The following STRIP2 variants were observed in gnomAD, a reference collection of about 807,000 sequenced individuals.
STRIP2 encodes the protein striatin interacting protein 2.
In STRIP2, 84 loss-of-function variants were observed where a neutral mutation model predicts 107.1. The ratio of observed to expected loss-of-function variants is 0.78; its 90% CI spans 0.66 to 0.94. STRIP2 has a LOEUF of 0.94. Among genes scored for constraint, STRIP2 ranks in the 40% least tolerant of loss-of-function variants. STRIP2 has a pLI of 0.00. For synonymous variants in STRIP2, 394 were observed against 400.4 expected (o/e 0.98, Z 0.19); for missense variants, 888 against 1,034.2 (o/e 0.86, Z 1.94).
In STRIP2 at chr7:129,486,076, A is replaced by T. The variant is rs1463979405; in HGVS notation, c.*247A>T. The T allele has an allele frequency of 2.5e-5, 11 of 445,782 alleles. No homozygotes were observed. Among genetic ancestry groups the T allele is most frequent in the Non-Finnish European group, 2.0e-5 (5 of 246,024 alleles). The allele number at this position is 445,782 out of a possible 1,614,324, so 27.6% of individuals were successfully genotyped here. A position where few individuals can be genotyped will look rare whatever the true frequency, so the allele number is the denominator to read the frequency against. On this transcript the variant is annotated 3_prime_UTR_variant, in exon 21 of 21. Coordinates refer to ENST00000249344, the MANE Select transcript of STRIP2 (RefSeq NM_020704.3). ...AATTCTAGACAAGCTCTTTGGTAGG[A>T]CCTTTTCCTGCTTTAGTCTTGGCTA...
At chr7:129,475,919 T>C (rs1026580020) in intron 18 of STRIP2, among the ~76,000 whole-genome samples, 1 of 152,202 alleles carries the variant, frequency 6.6e-6, no homozygotes, top group African/African-American at 2.4e-5. Context: ...GGCAGAAGAA[T>C]TTCTCCTAGT....
At chr7:129,459,966 G>A (rs1054961266) in intron 12 of STRIP2, among the ~76,000 whole-genome samples, 1 of 152,094 alleles carries the variant, frequency 6.6e-6, no homozygotes, top group Admixed American at 6.5e-5. Flanking sequence ...ATGCATACGT[G>A]CACACGCATC....
At position 129,487,779 on chromosome 7, in the gene STRIP2, A is replaced by G. The variant is rs1661059706; in HGVS notation, c.*1950A>G. On this transcript the variant is annotated 3_prime_UTR_variant, in exon 21 of 21. Coordinates refer to ENST00000249344, the MANE Select transcript of STRIP2 (RefSeq NM_020704.3). ...ATTTTCAAGGAAAGAGTAATCATCC[A>G]TCAATTTATTATAAAGCCAGATAGT... is the stretch of plus-strand genomic sequence containing the variant. The G allele has an allele frequency of 6.6e-6, 1 of 152,232 alleles. No individual in the cohort carries two copies. The highest frequency in any genetic ancestry group is 2.1e-4 in the South Asian group (1 of 4,836). The allele number at this position is 152,232 out of a possible 1,614,324, so 9.4% of individuals were successfully genotyped here. A position where few individuals can be genotyped will look rare whatever the true frequency, so the allele number is the denominator to read the frequency against.
rs201763574 is a variant in STRIP2, at chr7:129,485,636, T to A, written c.2312T>A (p.Ile771Asn). ...QAEECTLRAN[I>N]EAFNSRRYDR... ...GAAGAATGTACCTTGAGGGCCAACA[T>A]TGAGGCTTTTAACAGCCGTCGCTAT... The change falls in exon 21 of 21, where the codon ATT becomes AAT. Residue 771 changes from isoleucine to asparagine, a missense_variant. By Grantham distance (149) the Ile-to-Asn change is moderately radical (BLOSUM62 -3). Transcript: ENST00000249344. 1 of 1,613,976 alleles carries A rather than the reference T, an allele frequency of 6.2e-7. No homozygotes were observed. The highest frequency in any genetic ancestry group is 1.3e-5 in the African/African-American group (1 of 74,992).
At position 129,477,962 on chromosome 7, in the gene STRIP2, A is replaced by G. The variant is rs577309078; in HGVS notation, c.1945-2823A>G. On this transcript the variant is annotated intron_variant, in intron 18 of 20. Transcript: ENST00000249344. ...AAATGGTGGCAGACATGTCCAAGGA[A>G]TATTGTGGGGATTTGATCCCTTAAT... 1.2e-3 allele frequency: 623 copies of G among 517,270 alleles called. 6 individuals carry two copies. The highest frequency in any genetic ancestry group is 4.1e-3 in the South Asian group (283 of 69,374). The allele number at this position is 517,270 out of a possible 1,614,324, so 32.0% of individuals were successfully genotyped here. A position where few individuals can be genotyped will look rare whatever the true frequency, so the allele number is the denominator to read the frequency against.
At position 129,434,537 on chromosome 7, in the gene STRIP2, G is replaced by A. The variant is rs1171703389; in HGVS notation, c.65G>A (p.Gly22Asp). 6.6e-7 allele frequency: 1 copy of A among 1,518,004 alleles called. No homozygotes were observed. The allele number at this position is 1,518,004 out of a possible 1,614,324, so 94.0% of individuals were successfully genotyped here. A position where few individuals can be genotyped will look rare whatever the true frequency, so the allele number is the denominator to read the frequency against. Residue 22 changes from glycine (G) to aspartate (D), a missense_variant, in exon 1 of 21, where the codon GGC becomes GAC. Physicochemically the swap from Gly to Asp is moderately conservative, Grantham distance 94 (BLOSUM62 -1). Transcript: ENST00000249344. ...GCAAATGGCAATGGCAACGGCGGCGGCAAAGGGAAGCAGGCGGCGCCCAAG... is the reference window on the plus strand; with the variant it reads ...GCAAATGGCAATGGCAACGGCGGCGACAAAGGGAAGCAGGCGGCGCCCAAG... Reference protein sequence around the residue: ...PPANGNGNGGGKGKQAAPKGR... With the variant: ...PPANGNGNGGDKGKQAAPKGR...
intron 17 of STRIP2, among the ~76,000 whole-genome samples, chr7:129,467,652 G>C (rs534226188): frequency 6.6e-6 from 1 of 152,214 alleles, no homozygotes; most frequent in Non-Finnish European, 1.5e-5. Context: ...TATTTTAATA[G>C]TTTTAAACAC....
chr7:129,460,678 G>A, intron 13 of STRIP2: 1 of 347,596 alleles, frequency 2.9e-6, no homozygotes, highest in South Asian at 2.8e-5. Flanking sequence ...CTGAGAAGGT[G>A]ACATTTAAGC....
At chr7:129,459,014 A>G (rs1362693847) in intron 11 of STRIP2, among the ~76,000 whole-genome samples, 1 of 152,216 alleles carries the variant, frequency 6.6e-6, no homozygotes, top group African/African-American at 2.4e-5. Flanking sequence ...GACTTTGAGC[A>G]ACAAGTCATT....
intron 20 of STRIP2, among the ~76,000 whole-genome samples, chr7:129,485,213 A>G (rs1799213825): frequency 6.6e-6 from 1 of 152,164 alleles, no homozygotes; most frequent in Non-Finnish European, 1.5e-5. Flanking sequence ...AACATAATAC[A>G]TATAACTAGT....
chr7:129,475,452 C>T (rs1328600067), intron 18 of STRIP2, among the ~76,000 whole-genome samples: 1 of 150,596 alleles, frequency 6.6e-6, no homozygotes, highest in Non-Finnish European at 1.5e-5. Flanking sequence ...AACAAGTGAA[C>T]AAAGGTCTCT....
intron 14 of STRIP2, among the ~76,000 whole-genome samples, chr7:129,463,827 A>G (rs903213637): frequency 3.3e-5 from 5 of 152,130 alleles, no homozygotes; most frequent in Non-Finnish European, 7.4e-5. Context: ...ATAACAGCCA[A>G]TGCACTCCCT....
chr7:129,456,220 G>T (rs1048140449), intron 8 of STRIP2, among the ~76,000 whole-genome samples: 1 of 150,396 alleles, frequency 6.6e-6, no homozygotes, highest in African/African-American at 2.4e-5. Context: ...CCATACTGGG[G>T]CAGTAAATAA....
At chr7:129,439,928 CA>C (rs781502397) in intron 1 of STRIP2, 93 bp from the exon 2 acceptor site, 7 of 992,808 alleles carry the variant, frequency 7.1e-6, no homozygotes, top group Non-Finnish European at 9.5e-6. Flanking sequence ...CCTTGGCCTC[CA>C]TGAGGGGAAG....
chr7:129,477,422 T>A (rs1482228682), intron 18 of STRIP2, among the ~76,000 whole-genome samples: 1 of 152,198 alleles, frequency 6.6e-6, no homozygotes, highest in Non-Finnish European at 1.5e-5. Context: ...AAAATTTTTT[T>A]AGCATTATAT....
rs776105710 is a variant in STRIP2, at chr7:129,460,441, T to C, written c.1476+69T>C. ...CTGTCTTCAGTGTTGTCACAGAGCA[T>C]GTGTGCATGCATTCATTCAGCATAT... is the stretch of plus-strand genomic sequence containing the variant. On this transcript the variant is annotated intron_variant, in intron 13 of 20. Coordinates refer to ENST00000249344, the MANE Select transcript of STRIP2 (RefSeq NM_020704.3). 5.5e-6 allele frequency: 7 copies of C among 1,280,848 alleles called. No homozygotes were observed. In the East Asian group the frequency reaches 1.2e-4, roughly 22 times the overall value. 79.3% of individuals were successfully genotyped at this position (1,280,848 alleles called of 1,614,324 possible).
chr7:129,478,235 C>T (rs974561518), intron 18 of STRIP2: 5 of 219,558 alleles, frequency 2.3e-5, no homozygotes, highest in Non-Finnish European at 4.5e-5. Context: ...TTAGGCCGGG[C>T]ACAGTGGCTC....
chr7:129,470,716 G>A lies in STRIP2; in HGVS notation c.1944+1G>A. 3.7e-6 allele frequency: 6 copies of A among 1,613,556 alleles called. No homozygotes were observed. Among genetic ancestry groups the A allele is most frequent in the Non-Finnish European group, 5.1e-6 (6 of 1,179,506 alleles). ...GCCGGAGCTTACTACTGAAAGTCTG[G>A]TAAGCAGATGGGGATTTGGTAGCCT... On this transcript the variant is annotated splice_donor_variant, in intron 18 of 20. Coordinates refer to ENST00000249344, the MANE Select transcript of STRIP2 (RefSeq NM_020704.3). LOFTEE classifies it high-confidence loss of function.
At chr7:129,466,193 C>G (rs1798667164) in intron 16 of STRIP2, among the ~76,000 whole-genome samples, 1 of 151,800 alleles carries the variant, frequency 6.6e-6, no homozygotes, top group South Asian at 2.1e-4. Flanking sequence ...GCTTGATGGG[C>G]CATGCCAGTG....
Sources: gnomAD v4.1 joint callset for allele counts (sites outside exome capture counted in the v4.1 genomes callset) on GRCh38, gnomAD v4.1.1 for gene constraint, MANE v1.5 for transcripts, NCBI Gene and HGNC (gene_info 2026-07-23, HGNC 2026-07-21) for gene names.